ARMH3: variants seen among roughly 807,000 people sequenced by gnomAD.
ARMH3 encodes the protein armadillo-like helical domain-containing protein 3.
Under a neutral mutation model 99.1 loss-of-function variants are expected in ARMH3, and 60 were observed. The ratio of observed to expected loss-of-function variants is 0.61; its 90% CI spans 0.49 to 0.75. The LOEUF is 0.75. Among genes scored for constraint, ARMH3 ranks in the 30% least tolerant of loss-of-function variants. The probability of loss-of-function intolerance (pLI) is 0.00; values close to 1 mark genes in which losing one functional copy is unlikely to be tolerated. For missense variants in ARMH3, 679 were observed against 843.1 expected, an observed-to-expected ratio of 0.81 and a Z score of 2.41; for synonymous variants, 285 against 292.8, an observed-to-expected ratio of 0.97 and a Z score of 0.27.
chr10:101,943,793 G>A (rs764681408), intron 22 of ARMH3, among the ~76,000 whole-genome samples: 2 of 152,130 alleles, frequency 1.3e-5, no homozygotes, highest in Admixed American at 6.5e-5. Context: ...GGCCAGGCAC[G>A]GTGGTTCATG....
chr10:101,942,187 T>G (rs1464753708), intron 22 of ARMH3, among the ~76,000 whole-genome samples: 2 of 152,210 alleles, frequency 1.3e-5, no homozygotes, highest in African/African-American at 4.8e-5. Context: ...AGCCATCATT[T>G]ATGTAGTAAA....
intron 2 of ARMH3, among the ~76,000 whole-genome samples, chr10:102,037,178 GT>G (rs2067297810): frequency 6.8e-6 from 1 of 146,622 alleles, no homozygotes; most frequent in Admixed American, 6.8e-5. Context: ...TCTGGATTTT[GT>G]TTTCTTTTTT....
chr10:101,885,333 C>T (rs1345456865), intron 24 of ARMH3, among the ~76,000 whole-genome samples: 2 of 152,114 alleles, frequency 1.3e-5, no homozygotes, highest in Admixed American at 6.5e-5. Flanking sequence ...TTGTAATACG[C>T]CAATGTTCAA....
At chr10:101,990,748 A>G in intron 18 of ARMH3, 137 bp from the exon 19 acceptor site, 2 of 669,980 alleles carry the variant, frequency 3.0e-6, no homozygotes, top group South Asian at 1.8e-5. Context: ...ATTCATATAC[A>G]CTTATTTTAT....
chr10:101,929,722 C>T (rs916576822), intron 23 of ARMH3, among the ~76,000 whole-genome samples: 2 of 151,908 alleles, frequency 1.3e-5, no homozygotes, highest in Admixed American at 6.6e-5. Context: ...GCAATAAAAA[C>T]GCTTTTTAGA....
chr10:101,970,922 C>T (rs1472931010), intron 20 of ARMH3, among the ~76,000 whole-genome samples: 1 of 151,708 alleles, frequency 6.6e-6, no homozygotes, highest in Non-Finnish European at 1.5e-5. Flanking sequence ...GATATTTAAA[C>T]AAATCATTGT....
At position 101,845,951 on chromosome 10, in the gene ARMH3, G is replaced by A. The variant is rs956506542; in HGVS notation, c.*1577C>T. The stretch of plus-strand genomic sequence containing the variant: ...GCACTTACTCCTAGAATATACCAGT[G>A]CTGTTTGCTCCCGCCATCCTGAGGG... On this transcript the variant is annotated 3_prime_UTR_variant, in exon 26 of 26. Coordinates refer to ENST00000370033, the MANE Select transcript of ARMH3 (RefSeq NM_024541.3). 2 of 152,216 alleles carry A rather than the reference G, an allele frequency of 1.3e-5. No individual in the cohort carries two copies. Among genetic ancestry groups the A allele is most frequent in the Admixed American group, 6.5e-5 (1 of 15,290 alleles). The allele number at this position is 152,216 out of a possible 1,614,324, so 9.4% of individuals were successfully genotyped here.
At position 102,023,570 on chromosome 10, in the gene ARMH3, C is replaced by G. The variant is rs760499923; in HGVS notation, c.583-7G>C. ...TTGGGGGATGGGAAAGTATCTGTAACAAGAACCAAAAATGCATGAGACTGC... is the reference window on the plus strand; with the variant it reads ...TTGGGGGATGGGAAAGTATCTGTAAGAAGAACCAAAAATGCATGAGACTGC... On this transcript the variant is annotated splice_polypyrimidine_tract_variant and splice_region_variant and intron_variant, in intron 7 of 25. Coordinates refer to ENST00000370033, the MANE Select transcript of ARMH3 (RefSeq NM_024541.3). 5.6e-6 allele frequency: 9 copies of G among 1,613,448 alleles called. 1 individual carries two copies. In the South Asian group the frequency reaches 9.9e-5, roughly 18 times the overall value.
At chr10:101,885,241 A>G (rs2067512714) in intron 24 of ARMH3, among the ~76,000 whole-genome samples, 1 of 152,342 alleles carries the variant, frequency 6.6e-6, no homozygotes, top group East Asian at 1.9e-4. Context: ...AAAATGTTAA[A>G]CATAGAATTA....
chr10:102,010,574 AAT>A (rs1160851427), intron 11 of ARMH3, among the ~76,000 whole-genome samples: 1 of 152,210 alleles, frequency 6.6e-6, no homozygotes, highest in Non-Finnish European at 1.5e-5. Flanking sequence ...AGAGCAAGTG[AAT>A]AAGTAAATGG....
chr10:102,029,797 T>C (rs747988848), intron 4 of ARMH3, 52 bp from the exon 5 acceptor site: 12 of 1,523,330 alleles, frequency 7.9e-6, no homozygotes, highest in African/African-American at 1.4e-5. Context: ...TCAGGGTCTG[T>C]AGACCCACAT....
chr10:101,913,515 G>C (rs539197270), intron 23 of ARMH3, among the ~76,000 whole-genome samples: 53 of 151,728 alleles, frequency 3.5e-4, no homozygotes, highest in Non-Finnish European at 6.2e-4. Flanking sequence ...ACAGGTGCAC[G>C]TCACATACCC....
chr10:101,861,920 G>A (rs2066882298), intron 24 of ARMH3, among the ~76,000 whole-genome samples: 1 of 149,500 alleles, frequency 6.7e-6, no homozygotes, highest in Non-Finnish European at 1.5e-5. Flanking sequence ...CGTGGTGGTG[G>A]GCGCCTGTAG....
chr10:102,010,102 G>T (rs2136105723), intron 11 of ARMH3, 79 bp from the exon 12 acceptor site: 2 of 1,395,486 alleles, frequency 1.4e-6, no homozygotes, highest in Non-Finnish European at 2.0e-6. Context: ...CCTTTTATCA[G>T]TGAAGAAAAC....
intron 5 of ARMH3, among the ~76,000 whole-genome samples, chr10:102,028,986 T>C (rs2067062721): frequency 6.6e-6 from 1 of 152,126 alleles, no homozygotes; most frequent in Non-Finnish European, 1.5e-5. Flanking sequence ...GTCCTACCAC[T>C]TCAGCCTCCC....
chr10:102,047,182 T>C (rs1170664603), intron 1 of ARMH3, among the ~76,000 whole-genome samples: 2 of 152,094 alleles, frequency 1.3e-5, no homozygotes, highest in Non-Finnish European at 2.9e-5. Context: ...CAGGATTTAA[T>C]TGATTTTTTT....
chr10:102,040,191 TATGTC>T (rs1342576039), intron 1 of ARMH3, 66 bp from the exon 2 acceptor site: 1 of 1,302,080 alleles, frequency 7.7e-7, no homozygotes, highest in Non-Finnish European at 1.1e-6. Flanking sequence ...ATGGCAGATA[TATGTC>T]ATACATTTGT....
At chr10:101,883,502 G>A (rs774920699) in intron 24 of ARMH3, among the ~76,000 whole-genome samples, 7 of 152,062 alleles carry the variant, frequency 4.6e-5, no homozygotes, top group Non-Finnish European at 8.8e-5. Flanking sequence ...AACCTCCCTG[G>A]AGAGCTCTTC....
intron 19 of ARMH3, among the ~76,000 whole-genome samples, chr10:101,989,248 T>C (rs936166191): frequency 1.1e-4 from 16 of 151,996 alleles, no homozygotes; most frequent in African/African-American, 3.9e-4. Context: ...TAAAATATGA[T>C]AATGGCTAGG....
Sources: gnomAD v4.1 joint callset for allele counts (sites outside exome capture counted in the v4.1 genomes callset) on GRCh38, gnomAD v4.1.1 for gene constraint, MANE v1.5 for transcripts, NCBI Gene and HGNC (gene_info 2026-07-23, HGNC 2026-07-21) for gene names.